Variants in SLC39A11 observed in about 807,000 individuals in gnomAD.
SLC39A11 encodes zinc transporter ZIP11.
Under a neutral mutation model 36.1 loss-of-function variants are expected in SLC39A11, and 33 were observed. The ratio of observed to expected loss-of-function variants is 0.91; its 90% confidence interval spans 0.69 to 1.22. SLC39A11 has a LOEUF of 1.22. Among genes scored for constraint, SLC39A11 ranks in the 50% most tolerant of loss-of-function variants. SLC39A11 has a pLI of 0.00. For synonymous variants in SLC39A11, 166 were observed against 170.3 expected, an observed-to-expected ratio of 0.97 and a Z score of 0.20; for missense variants, 432 against 430.3, an observed-to-expected ratio of 1.00 and a Z score of -0.03.
At chr17:72,997,087 T>C (rs778651448) in intron 4 of SLC39A11, among the ~76,000 whole-genome samples, 1 of 152,154 alleles carries the variant, frequency 6.6e-6, no homozygotes. Flanking sequence ...CTATTATCAA[T>C]AGAGTTGGTC....
At chr17:72,968,423 T>C (rs772521614) in intron 4 of SLC39A11, among the ~76,000 whole-genome samples, 16 of 152,236 alleles carry the variant, frequency 1.1e-4, no homozygotes, top group East Asian at 1.9e-4. Context: ...AGGAAACCCA[T>C]TGGGAATCTG....
chr17:72,918,211 C>G (rs561075501), intron 5 of SLC39A11, among the ~76,000 whole-genome samples: 160 of 152,198 alleles, frequency 1.1e-3, no homozygotes, highest in Non-Finnish European at 1.6e-3. Flanking sequence ...GAGTCCGAGA[C>G]CAGCCAGGCC....
intron 6 of SLC39A11, among the ~76,000 whole-genome samples, chr17:72,774,773 C>G (rs566909853): frequency 6.6e-6 from 1 of 152,316 alleles, no homozygotes; most frequent in African/African-American, 2.4e-5. Context: ...TAGAGCACCT[C>G]TCATCTGCCG....
chr17:72,929,617 C>T (rs2084260710), intron 5 of SLC39A11, among the ~76,000 whole-genome samples: 1 of 152,064 alleles, frequency 6.6e-6, no homozygotes, highest in African/African-American at 2.4e-5. Flanking sequence ...ATTGAAACTT[C>T]ATATTTTAAG....
At chr17:72,777,565 A>G (rs986622413) in intron 6 of SLC39A11, among the ~76,000 whole-genome samples, 1 of 148,694 alleles carries the variant, frequency 6.7e-6, no homozygotes, top group East Asian at 2.0e-4. Context: ...TGGAGGTGGC[A>G]TGGGAACGAT....
At chr17:72,718,331 C>T (rs573203636) in intron 7 of SLC39A11, among the ~76,000 whole-genome samples, 3 of 152,134 alleles carry the variant, frequency 2.0e-5, no homozygotes, top group South Asian at 2.1e-4. Context: ...CCCAGCTACT[C>T]GTGAGGCTGA....
chr17:72,813,804 G>A (rs2077501718), intron 6 of SLC39A11, among the ~76,000 whole-genome samples: 1 of 152,186 alleles, frequency 6.6e-6, no homozygotes, highest in African/African-American at 2.4e-5. Flanking sequence ...TTTAGTTAAG[G>A]CAGGATGGGG....
intron 6 of SLC39A11, among the ~76,000 whole-genome samples, chr17:72,846,746 T>G (rs1274045347): frequency 2.0e-5 from 3 of 152,224 alleles, no homozygotes; most frequent in African/African-American, 7.2e-5. Context: ...AGAGAAATAG[T>G]TGCCGTAATA....
rs554061038 is a variant in SLC39A11 at position 72,683,461 on chromosome 17, G to A, written c.672-34193C>T. 4.0e-3 allele frequency among the ~76,000 whole-genome samples: 612 copies of A among 151,492 alleles called. 2 individuals are homozygous for A. Among genetic ancestry groups the A allele is most frequent in the Middle Eastern group, 6.8e-3 (2 of 294 alleles). ...AGGGATCCTCCCACCTCAGCCCCTA[G>A]GGTAGCTGGGACTACATGCACACAC... is the stretch of plus-strand genomic sequence containing the variant. On this transcript the variant is annotated intron_variant, in intron 7 of 9. Transcript: ENST00000255559.
chr17:72,963,171 T>TTC (rs1460011569), intron 4 of SLC39A11, among the ~76,000 whole-genome samples: 1 of 134,198 alleles, frequency 7.5e-6, no homozygotes, highest in East Asian at 2.1e-4. Flanking sequence ...TTTCCTTTCT[T>TTC]TTTTTTTTTT....
intron 6 of SLC39A11, among the ~76,000 whole-genome samples, chr17:72,780,520 T>TGGGGGGGGGGGGGGG (rs140108885): frequency 1.8e-5 from 1 of 55,540 alleles, no homozygotes; most frequent in African/African-American, 7.0e-5. Flanking sequence ...GCCCTGAAGA[T>TGGGGGGGGGGGGGGG]GGGGGGCGGG....
At chr17:72,653,426 C>CTTTTA (rs2069953834) in intron 7 of SLC39A11, among the ~76,000 whole-genome samples, 1 of 124,096 alleles carries the variant, frequency 8.1e-6, no homozygotes, top group Admixed American at 8.6e-5. Flanking sequence ...TTTGGTTTTT[C>CTTTTA]TTTTCTTTTC....
chr17:72,916,184 C>A (rs1480887506), intron 5 of SLC39A11, among the ~76,000 whole-genome samples: 2 of 150,920 alleles, frequency 1.3e-5, no homozygotes, highest in African/African-American at 4.8e-5. Flanking sequence ...GCCCTCACAG[C>A]AGTGAAATGC....
At chr17:72,904,246 G>A (rs1267972411) in intron 5 of SLC39A11, among the ~76,000 whole-genome samples, 1 of 152,146 alleles carries the variant, frequency 6.6e-6, no homozygotes, top group Non-Finnish European at 1.5e-5. Context: ...TTCGAGAGCA[G>A]CCTGGACAAC....
chr17:72,926,321 C>T (rs994435288), intron 5 of SLC39A11, among the ~76,000 whole-genome samples: 1 of 152,290 alleles, frequency 6.6e-6, no homozygotes, highest in East Asian at 1.9e-4. Flanking sequence ...AGCCTCTCAC[C>T]TAACCTTGTT....
intron 5 of SLC39A11, among the ~76,000 whole-genome samples, chr17:72,869,725 CAT>C (rs1458796937): frequency 1.3e-5 from 2 of 152,042 alleles, no homozygotes; most frequent in Non-Finnish European, 2.9e-5. Flanking sequence ...ACAAAAAGCA[CAT>C]AGAGAAAAGA....
intron 6 of SLC39A11, chr17:72,817,985 G>A (rs1404743820): frequency 6.6e-6 from 1 of 152,138 alleles, no homozygotes; most frequent in Admixed American, 6.5e-5. Flanking sequence ...AGAGGGAAAA[G>A]CCCCTTATAA....
At chr17:72,758,754 A>G (rs73351079) in intron 6 of SLC39A11, among the ~76,000 whole-genome samples, 3,865 of 152,338 alleles carry the variant, frequency 0.025, 142 homozygotes, top group African/African-American at 0.084. Context: ...ACACTGTGTG[A>G]GACACAGAAA....
At chr17:72,805,138 T>C (rs2077209301) in intron 6 of SLC39A11, among the ~76,000 whole-genome samples, 1 of 152,174 alleles carries the variant, frequency 6.6e-6, no homozygotes, top group Non-Finnish European at 1.5e-5. Flanking sequence ...ACCGCCCTCC[T>C]GTGTGTGTAA....
Sources: allele counts gnomAD v4.1 joint callset (sites outside exome capture counted in the v4.1 genomes callset), GRCh38; gene constraint gnomAD v4.1.1; transcripts MANE v1.5; gene names NCBI Gene and HGNC (gene_info 2026-07-23, HGNC 2026-07-21).